Variants in ACOXL observed in about 807,000 individuals in gnomAD.
ACOXL encodes the protein acyl-coenzyme A oxidase-like protein.
In ACOXL, 70 loss-of-function variants were observed where a neutral mutation model predicts 71.9. The observed-to-expected ratio is 0.97, with a 90% CI of 0.80 to 1.19. The LOEUF (loss-of-function observed/expected upper bound fraction) is 1.19, where lower values mean the gene tolerates loss of function less well. ACOXL is among the 50% of genes most tolerant of loss of function. ACOXL has a pLI of 0.00. For synonymous variants in ACOXL, 253 were observed against 281.6 expected, an observed-to-expected ratio of 0.90 and a Z score of 1.02; for missense variants, 703 against 736.3, an observed-to-expected ratio of 0.95 and a Z score of 0.52.
chr2:110,801,824 A>T, intron 8 of ACOXL, 100 bp downstream of exon 8: 1 of 963,630 alleles, frequency 1.0e-6, no homozygotes, highest in East Asian at 2.4e-5. Flanking sequence ...ATGTCTGGGC[A>T]TTCTTCCCCT....
At chr2:110,807,110 AT>A (rs1225290343) in intron 9 of ACOXL, among the ~76,000 whole-genome samples, 2 of 152,068 alleles carry the variant, frequency 1.3e-5, no homozygotes. Context: ...CAGTTCCTTT[AT>A]TGGTTGTCTC....
At chr2:111,077,267 A>T (rs1166380538) in intron 16 of ACOXL, among the ~76,000 whole-genome samples, 1 of 152,098 alleles carries the variant, frequency 6.6e-6, no homozygotes, top group Non-Finnish European at 1.5e-5. Context: ...CAATATATAT[A>T]CTTAACTTTA....
chr2:110,801,714 C>T lies in ACOXL; in HGVS notation c.610C>T (p.Leu204=), dbSNP rs775356252. The T allele has an allele frequency of 6.2e-7, 1 of 1,613,962 alleles. No homozygotes were observed. The highest frequency in any genetic ancestry group is 1.1e-5 in the South Asian group (1 of 91,074). The change falls in exon 8 of 18, where the codon CTG becomes TTG. Residue 204 remains leucine, a synonymous_variant. Coordinates refer to ENST00000439055, the MANE Select transcript of ACOXL (RefSeq NM_001142807.4). The part of the protein sequence containing the change: ...FDKVRIPREN[L]LDKFGSVAPD... ...CAAGGTTCGGATACCCAGGGAGAAC[C>T]TGCTGGATAAGTGAGTAGTTTCTCC...
intron 11 of ACOXL, among the ~76,000 whole-genome samples, chr2:110,928,972 C>T (rs1558743544): frequency 6.6e-6 from 1 of 152,212 alleles, no homozygotes; most frequent in Non-Finnish European, 1.5e-5. Context: ...TCCATTAAAC[C>T]TGTTTTTCTT....
At chr2:111,053,233 C>T (rs1054887559) in intron 16 of ACOXL, among the ~76,000 whole-genome samples, 3 of 152,200 alleles carry the variant, frequency 2.0e-5, no homozygotes, top group African/African-American at 7.2e-5. Flanking sequence ...TTCTACCACT[C>T]GTCTCTCTCC....
At chr2:110,790,082 C>T (rs1684466622) in intron 3 of ACOXL, among the ~76,000 whole-genome samples, 1 of 152,244 alleles carries the variant, frequency 6.6e-6, no homozygotes, top group South Asian at 2.1e-4. Flanking sequence ...AGCCCATTCA[C>T]AGGCTGTGTG....
At chr2:111,025,484 C>T (rs2064977235) in intron 14 of ACOXL, among the ~76,000 whole-genome samples, 1 of 152,210 alleles carries the variant, frequency 6.6e-6, no homozygotes, top group Non-Finnish European at 1.5e-5. Flanking sequence ...CACCAATACT[C>T]GGTTTTGCAA....
chr2:111,088,608 A>G (rs1028968769), intron 16 of ACOXL, among the ~76,000 whole-genome samples: 105 of 152,146 alleles, frequency 6.9e-4, no homozygotes, highest in African/African-American at 2.5e-3. Flanking sequence ...ACAAAGGGGA[A>G]CAACAGACAC....
At chr2:110,882,409 A>G (rs891339104) in intron 10 of ACOXL, among the ~76,000 whole-genome samples, 1 of 152,180 alleles carries the variant, frequency 6.6e-6, no homozygotes. Context: ...TTCTGCCAGC[A>G]TGTGGCTTGT....
chr2:110,912,162 G>A (rs1316574860), intron 11 of ACOXL, among the ~76,000 whole-genome samples: 1 of 152,094 alleles, frequency 6.6e-6, no homozygotes, highest in African/African-American at 2.4e-5. Context: ...TGGATCAGAA[G>A]ATGTAATGTT....
At chr2:110,787,330 T>G (rs1459875925) in intron 3 of ACOXL, among the ~76,000 whole-genome samples, 1 of 151,944 alleles carries the variant, frequency 6.6e-6, no homozygotes, top group African/African-American at 2.4e-5. Flanking sequence ...GTCAGGAGAT[T>G]GAGACCATTC....
chr2:111,078,526 A>T (rs2067724593), intron 16 of ACOXL, among the ~76,000 whole-genome samples: 1 of 152,010 alleles, frequency 6.6e-6, no homozygotes, highest in Non-Finnish European at 1.5e-5. Context: ...AGCCCCCCAA[A>T]ATGCTGGGAT....
chr2:111,041,876 T>G (rs2065803768), intron 15 of ACOXL, among the ~76,000 whole-genome samples: 1 of 152,190 alleles, frequency 6.6e-6, no homozygotes, highest in South Asian at 2.1e-4. Context: ...TCTCCCGACT[T>G]TGTGCCTGAG....
chr2:110,962,240 A>G (rs2061726314), intron 12 of ACOXL, among the ~76,000 whole-genome samples: 1 of 152,262 alleles, frequency 6.6e-6, no homozygotes, highest in Non-Finnish European at 1.5e-5. Flanking sequence ...AGAAGGGTGG[A>G]AATGAGTCCA....
intron 5 of ACOXL, among the ~76,000 whole-genome samples, chr2:110,795,145 T>C (rs1685137666): frequency 6.6e-6 from 1 of 152,232 alleles, no homozygotes; most frequent in African/African-American, 2.4e-5. Context: ...GCCGTGTGGC[T>C]GCTCTGCTTC....
At chr2:110,777,307 G>T (rs1488370663) in intron 2 of ACOXL, among the ~76,000 whole-genome samples, 2 of 152,310 alleles carry the variant, frequency 1.3e-5, no homozygotes, top group East Asian at 1.9e-4. Flanking sequence ...GGAGACTGGA[G>T]AGAAGTGGCC....
chr2:110,963,992 G>A (rs1029794479), intron 12 of ACOXL, among the ~76,000 whole-genome samples: 9 of 152,150 alleles, frequency 5.9e-5, no homozygotes, highest in Admixed American at 1.3e-4. Context: ...GGCCCCAGAA[G>A]ATGAACAAGC....
chr2:110,777,686 G>A (rs942261363), intron 2 of ACOXL, among the ~76,000 whole-genome samples: 1 of 152,202 alleles, frequency 6.6e-6, no homozygotes, highest in African/African-American at 2.4e-5. Context: ...TCCATCACAG[G>A]ACAGTGGCTC....
intron 1 of ACOXL, among the ~76,000 whole-genome samples, chr2:110,756,826 A>G (rs1370813766): frequency 6.6e-6 from 1 of 151,966 alleles, no homozygotes; most frequent in Non-Finnish European, 1.5e-5. Flanking sequence ...GCACAATTTG[A>G]GTTACTTAAG....
Sources: gnomAD v4.1 joint callset for allele counts (sites outside exome capture counted in the v4.1 genomes callset) on GRCh38, gnomAD v4.1.1 for gene constraint, MANE v1.5 for transcripts, NCBI Gene and HGNC (gene_info 2026-07-23, HGNC 2026-07-21) for gene names.